OTUD7A: variants seen among roughly 807,000 people sequenced by gnomAD.
The protein encoded by OTUD7A is OTU domain-containing protein 7A.
A neutral mutation model predicts 65.7 loss-of-function variants in OTUD7A; 12 were observed. That is an observed-to-expected ratio of 0.18 (90% CI 0.12 to 0.30). The LOEUF (loss-of-function observed/expected upper bound fraction) is 0.30, where lower values mean the gene tolerates loss of function less well. Among genes scored for constraint, OTUD7A ranks in the 10% least tolerant of loss-of-function variants. The pLI, the probability that OTUD7A is intolerant of heterozygous loss-of-function variation, is 1.00. For synonymous variants in OTUD7A, 641 were observed against 586.3 expected (o/e 1.09, Z -1.35); for missense variants, 1,148 against 1,304.8 (o/e 0.88, Z 1.85).
intron 3 of OTUD7A, among the ~76,000 whole-genome samples, chr15:31,640,405 TA>T (rs978607891): frequency 3.5e-4 from 53 of 151,476 alleles, no homozygotes; most frequent in African/African-American, 1.0e-3. Flanking sequence ...CCTACGGAAA[TA>T]AAAAAAAATA....
intron 3 of OTUD7A, among the ~76,000 whole-genome samples, chr15:31,653,077 C>T (rs1430802565): frequency 1.3e-5 from 2 of 151,850 alleles, no homozygotes; most frequent in Non-Finnish European, 2.9e-5. Flanking sequence ...GTTGAAATCC[C>T]GTCTCTACTA....
chr15:31,774,570 CAT>C (rs1201375415), intron 1 of OTUD7A, among the ~76,000 whole-genome samples: 6 of 152,184 alleles, frequency 3.9e-5, no homozygotes, highest in Admixed American at 2.0e-4. Flanking sequence ...TTAATGAGGA[CAT>C]GTTAGTATCA....
intron 8 of OTUD7A, among the ~76,000 whole-genome samples, chr15:31,514,210 C>T (rs1339993407): frequency 1.3e-5 from 2 of 151,822 alleles, no homozygotes. Context: ...ACCATTATGC[C>T]CAGAAAACTT....
intron 4 of OTUD7A, among the ~76,000 whole-genome samples, chr15:31,566,391 G>C (rs892646113): frequency 6.6e-6 from 1 of 152,068 alleles, no homozygotes; most frequent in South Asian, 2.1e-4. Flanking sequence ...ATATGTTTTA[G>C]TCTTTATTAC....
chr15:31,751,740 G>T (rs1894642043), intron 1 of OTUD7A, among the ~76,000 whole-genome samples: 1 of 152,142 alleles, frequency 6.6e-6, no homozygotes, highest in Admixed American at 6.5e-5. Context: ...GCCAAAAAAA[G>T]GATGAAATAA....
At chr15:31,813,880 CG>C (rs148086428) in intron 1 of OTUD7A, among the ~76,000 whole-genome samples, 2,371 of 152,300 alleles carry the variant, frequency 0.016, 64 homozygotes, top group African/African-American at 0.054. Context: ...GCTCTACTTA[CG>C]TTCACCTGAG....
intron 8 of OTUD7A, among the ~76,000 whole-genome samples, chr15:31,506,113 C>A (rs893284536): frequency 6.6e-6 from 1 of 151,714 alleles, no homozygotes; most frequent in African/African-American, 2.4e-5. Context: ...GAATTTTTGG[C>A]AAGTTTATTG....
intron 1 of OTUD7A, among the ~76,000 whole-genome samples, chr15:31,835,300 T>C (rs1289259431): frequency 6.6e-6 from 1 of 152,254 alleles, no homozygotes; most frequent in East Asian, 1.9e-4. Context: ...CATGTAATAT[T>C]TGACTCAAGC....
At chr15:31,657,438 G>A (rs1173274955) in intron 1 of OTUD7A, among the ~76,000 whole-genome samples, 1 of 151,648 alleles carries the variant, frequency 6.6e-6, no homozygotes, top group Non-Finnish European at 1.5e-5. Flanking sequence ...CTCACTGGAA[G>A]CTCCGCCTCC....
rs189115542 is a variant in OTUD7A, at chr15:31,732,028, C to T, written c.-99-74951G>A. On this transcript the variant is annotated intron_variant, in intron 1 of 12. Transcript: ENST00000307050. ...ACCAGGAGGAGGGAGATACAGGATC[C>T]TGAGAGCTAAAGGTGGGCTAAGCTC... Among the ~76,000 whole-genome samples the T allele has an allele frequency of 1.6e-4, 24 of 152,286 alleles. No individual in the cohort carries two copies. In the East Asian group the frequency reaches 4.4e-3, roughly 28 times the overall value.
intron 8 of OTUD7A, among the ~76,000 whole-genome samples, chr15:31,517,837 A>G (rs1036553940): frequency 6.6e-6 from 1 of 152,112 alleles, no homozygotes; most frequent in Non-Finnish European, 1.5e-5. Context: ...GTTTGGGGGC[A>G]CCCTGGCTTA....
intron 1 of OTUD7A, among the ~76,000 whole-genome samples, chr15:31,778,994 T>C (rs1895464936): frequency 6.6e-6 from 1 of 152,196 alleles, no homozygotes; most frequent in Non-Finnish European, 1.5e-5. Context: ...AACAGCTACA[T>C]CTTGAATGAA....
intron 3 of OTUD7A, among the ~76,000 whole-genome samples, chr15:31,610,613 A>ATTTT (rs1228282525): frequency 1.1e-3 from 36 of 31,642 alleles, no homozygotes; most frequent in East Asian, 3.8e-3. Context: ...ATATATATAT[A>ATTTT]TATATTTTTT....
intron 3 of OTUD7A, among the ~76,000 whole-genome samples, chr15:31,605,772 T>C (rs1282511787): frequency 2.0e-5 from 3 of 152,214 alleles, no homozygotes; most frequent in Non-Finnish European, 4.4e-5. Context: ...GTGACATCGC[T>C]ACAGTGCTGC....
At chr15:31,524,485 G>T (rs555406795) in intron 8 of OTUD7A, among the ~76,000 whole-genome samples, 1 of 152,234 alleles carries the variant, frequency 6.6e-6, no homozygotes, top group South Asian at 2.1e-4. Context: ...TTTGAAAGGA[G>T]GGGAGAGAGT....
At chr15:31,802,141 G>GTGTATATATA (rs553698632) in intron 1 of OTUD7A, among the ~76,000 whole-genome samples, 8 of 142,496 alleles carry the variant, frequency 5.6e-5, no homozygotes, top group South Asian at 2.3e-4. Context: ...GTGTGTGTGT[G>GTGTATATATA]TATATATATA....
chr15:31,487,354 G>A lies in OTUD7A; in HGVS notation c.1287-76C>T. On this transcript the variant is annotated intron_variant, in intron 11 of 12. Transcript: ENST00000307050. This position sits in a 1 kb window ranked among gnomAD's most constrained non-coding sequence, Gnocchi z 6.0. ...CACCCAGTCCACTTGCATGCCAGCT[G>A]TCCCAGGAGGAGCAGGGGTGGTACA... 1 of 1,581,670 alleles carries A rather than the reference G, an allele frequency of 6.3e-7. No individual in the cohort carries two copies. The highest frequency in any genetic ancestry group is 8.7e-7 in the Non-Finnish European group (1 of 1,153,576).
chr15:31,860,375 C>T (rs2141014868), intron 1 of OTUD7A, among the ~76,000 whole-genome samples: 1 of 152,046 alleles, frequency 6.6e-6, no homozygotes, highest in African/African-American at 2.4e-5. Flanking sequence ...CTCATGGGAG[C>T]TAAGCAATTC....
chr15:31,609,539 C>T (rs1890335489), intron 3 of OTUD7A, among the ~76,000 whole-genome samples: 1 of 152,134 alleles, frequency 6.6e-6, no homozygotes, highest in Non-Finnish European at 1.5e-5. Context: ...ACCTCACCCC[C>T]ATTCCCTACA....
Sources: allele counts gnomAD v4.1 joint callset (sites outside exome capture counted in the v4.1 genomes callset), GRCh38; gene constraint gnomAD v4.1.1; non-coding constraint Gnocchi (gnomAD v3.1); transcripts MANE v1.5; gene names NCBI Gene and HGNC (gene_info 2026-07-23, HGNC 2026-07-21).